Variants in GALNTL6 observed in about 807,000 individuals in gnomAD.
GALNTL6 encodes polypeptide N-acetylgalactosaminyltransferase-like 6.
GALNTL6 carries 46 observed loss-of-function variants against 73.7 expected under a neutral mutation model. That is an observed-to-expected ratio of 0.62 (90% CI 0.49 to 0.80). GALNTL6 has a LOEUF of 0.80. Ranked by LOEUF, GALNTL6 falls within the 30% of genes least tolerant of loss-of-function variation. The pLI is 0.00. For synonymous variants in GALNTL6, 259 were observed against 263.7 expected (o/e 0.98, Z 0.17); for missense variants, 604 against 755.0 (o/e 0.80, Z 2.34).
chr4:172,128,930 G>T (rs1371177481), intron 2 of GALNTL6, among the ~76,000 whole-genome samples: 2 of 152,034 alleles, frequency 1.3e-5, no homozygotes, highest in African/African-American at 4.8e-5. Context: ...CAAGATTTTG[G>T]CCTGTTTGAT....
At chr4:171,864,222 A>T (rs1735913043) in intron 2 of GALNTL6, among the ~76,000 whole-genome samples, 2 of 152,248 alleles carry the variant, frequency 1.3e-5, no homozygotes, top group African/African-American at 4.8e-5. Flanking sequence ...AATTATCTAT[A>T]GAATAACTTC....
intron 3 of GALNTL6, among the ~76,000 whole-genome samples, chr4:172,268,279 G>C (rs557429579): frequency 2.0e-5 from 3 of 152,302 alleles, no homozygotes; most frequent in Admixed American, 2.0e-4. Context: ...TTGGCATGCA[G>C]GAGGTTTATT....
At chr4:171,861,729 AT>A (rs1028520123) in intron 2 of GALNTL6, among the ~76,000 whole-genome samples, 1 of 152,156 alleles carries the variant, frequency 6.6e-6, no homozygotes, top group Admixed American at 6.6e-5. Flanking sequence ...GTGTAAATCT[AT>A]CTTCCAAAAT....
chr4:172,398,092 T>C (rs1348981566), intron 5 of GALNTL6, among the ~76,000 whole-genome samples: 6 of 152,216 alleles, frequency 3.9e-5, no homozygotes, highest in Non-Finnish European at 8.8e-5. Flanking sequence ...GTAAAATTTC[T>C]TCATCACCAT....
chr4:172,634,815 A>G (rs1443695453), intron 5 of GALNTL6, among the ~76,000 whole-genome samples: 1 of 152,218 alleles, frequency 6.6e-6, no homozygotes, highest in East Asian at 1.9e-4. Flanking sequence ...ATAATTAATC[A>G]TGTAGTCAAT....
intron 7 of GALNTL6, among the ~76,000 whole-genome samples, chr4:172,847,532 G>A (rs867268257): frequency 5.3e-5 from 8 of 151,762 alleles, no homozygotes; most frequent in Admixed American, 1.3e-4. Context: ...AAGTAATTCC[G>A]TTGCTGAAAC....
chr4:172,349,063 C>A (rs1348163452), intron 5 of GALNTL6, among the ~76,000 whole-genome samples: 1 of 152,090 alleles, frequency 6.6e-6, no homozygotes, highest in East Asian at 1.9e-4. Context: ...TGAAAAGTAT[C>A]TACTCTATTA....
intron 2 of GALNTL6, among the ~76,000 whole-genome samples, chr4:172,159,083 G>A (rs950384558): frequency 6.6e-6 from 1 of 152,130 alleles, no homozygotes; most frequent in African/African-American, 2.4e-5. Flanking sequence ...ACCTATCAGG[G>A]CCAGCTTTTG....
intron 2 of GALNTL6, among the ~76,000 whole-genome samples, chr4:171,884,891 A>T (rs1736564328): frequency 6.6e-6 from 1 of 151,932 alleles, no homozygotes; most frequent in Non-Finnish European, 1.5e-5. Context: ...CTCTATCTCT[A>T]CTAAAAATAC....
At chr4:172,429,767 A>G (rs1198513284) in intron 5 of GALNTL6, among the ~76,000 whole-genome samples, 1 of 152,210 alleles carries the variant, frequency 6.6e-6, no homozygotes, top group Non-Finnish European at 1.5e-5. Flanking sequence ...ATCCTCAACT[A>G]CATTTGTAAA....
intron 10 of GALNTL6, among the ~76,000 whole-genome samples, chr4:172,956,886 C>G (rs1376912536): frequency 6.6e-6 from 1 of 152,114 alleles, no homozygotes; most frequent in Admixed American, 6.5e-5. Flanking sequence ...CCACTGAATA[C>G]CAAGAGCCTG....
chr4:172,936,865 T>A (rs1259147075), intron 9 of GALNTL6, among the ~76,000 whole-genome samples: 1 of 152,104 alleles, frequency 6.6e-6, no homozygotes, highest in Non-Finnish European at 1.5e-5. Flanking sequence ...CCTGAAAATG[T>A]TAACTTAGAG....
intron 5 of GALNTL6, among the ~76,000 whole-genome samples, chr4:172,492,219 T>C (rs1316755857): frequency 6.6e-6 from 1 of 152,188 alleles, no homozygotes; most frequent in Non-Finnish European, 1.5e-5. Context: ...TCCATTAGTG[T>C]GATATTTACT....
At chr4:172,438,780 A>G (rs1016078376) in intron 5 of GALNTL6, among the ~76,000 whole-genome samples, 14 of 151,878 alleles carry the variant, frequency 9.2e-5, no homozygotes, top group African/African-American at 2.4e-4. Flanking sequence ...TTACCTCTAC[A>G]TTATACCTTC....
chr4:172,025,917 T>C (rs1741559484), intron 2 of GALNTL6, among the ~76,000 whole-genome samples: 1 of 151,976 alleles, frequency 6.6e-6, no homozygotes, highest in South Asian at 2.1e-4. Flanking sequence ...TTAATTCAAG[T>C]CTTATTTCTA....
intron 5 of GALNTL6, among the ~76,000 whole-genome samples, chr4:172,384,096 G>A: frequency 6.6e-6 from 1 of 151,966 alleles, no homozygotes; most frequent in South Asian, 2.1e-4. Context: ...GTCTGGTTTT[G>A]GTATCAAGGT....
rs746353233 is a variant in GALNTL6 at position 172,122,662 on chromosome 4, A to G, written c.139-106994A>G. Reference sequence around the variant, plus strand: ...ACTAGTGAGGAAAAGCCCCTAACTCAGTTATCTCCGGTTAGGGCTTACTAA... The same window carrying G: ...ACTAGTGAGGAAAAGCCCCTAACTCGGTTATCTCCGGTTAGGGCTTACTAA... On this transcript the variant is annotated intron_variant, in intron 2 of 12. Transcript: ENST00000506823. Among the ~76,000 whole-genome samples, 17 of 152,342 alleles carry G rather than the reference A, an allele frequency of 1.1e-4. No individual in the cohort carries two copies. The East Asian group carries it at 3.3e-3, about 29-fold the overall frequency.
chr4:172,479,682 C>T (rs2111478960), intron 5 of GALNTL6, among the ~76,000 whole-genome samples: 1 of 152,292 alleles, frequency 6.6e-6, no homozygotes, highest in South Asian at 2.1e-4. Flanking sequence ...AACAAAAACC[C>T]ACTTGAACCC....
intron 2 of GALNTL6, among the ~76,000 whole-genome samples, chr4:172,200,255 A>C (rs1229062086): frequency 6.6e-6 from 1 of 152,104 alleles, no homozygotes; most frequent in East Asian, 1.9e-4. Context: ...TTCACCCTCA[A>C]ACTTGAAATT....
Sources: gnomAD v4.1 joint callset for allele counts (sites outside exome capture counted in the v4.1 genomes callset) on GRCh38, gnomAD v4.1.1 for gene constraint, MANE v1.5 for transcripts, NCBI Gene and HGNC (gene_info 2026-07-23, HGNC 2026-07-21) for gene names.